The following SOX5 variants were observed in gnomAD, a reference collection of about 807,000 sequenced individuals.
SOX5 encodes the protein SRY-box transcription factor 5.
SOX5 carries 9 observed loss-of-function variants against 92.0 expected under a neutral mutation model. The observed-to-expected ratio is 0.10, with a 90% CI of 0.06 to 0.17. The LOEUF (loss-of-function observed/expected upper bound fraction) is 0.17. Among genes scored for constraint, SOX5 ranks in the 10% least tolerant of loss-of-function variants. The pLI, the probability that SOX5 is intolerant of heterozygous loss-of-function variation, is 1.00. For missense variants in SOX5, 642 were observed against 944.5 expected, an observed-to-expected ratio of 0.68 and a Z score of 4.20; for synonymous variants, 344 against 336.3, an observed-to-expected ratio of 1.02 and a Z score of -0.25.
chr12:23,692,251 A>AT (rs2088961867), intron 6 of SOX5, among the ~76,000 whole-genome samples: 1 of 151,880 alleles, frequency 6.6e-6, no homozygotes, highest in Non-Finnish European at 1.5e-5. Flanking sequence ...CGGCCAACAT[A>AT]GTGAGACTCC....
intron 4 of SOX5, among the ~76,000 whole-genome samples, chr12:23,980,057 T>G (rs1451955938): frequency 6.6e-6 from 1 of 152,114 alleles, no homozygotes; most frequent in African/African-American, 2.4e-5. Flanking sequence ...GTGAACCTCC[T>G]GCCTCAGCTG....
At chr12:23,686,696 AG>A (rs1395171543) in intron 6 of SOX5, among the ~76,000 whole-genome samples, 12 of 152,274 alleles carry the variant, frequency 7.9e-5, no homozygotes, top group African/African-American at 2.6e-4. Flanking sequence ...GTTTATGAAC[AG>A]GGCCATAGCA....
At chr12:23,907,884 C>T (rs776784769) in intron 1 of SOX5, among the ~76,000 whole-genome samples, 2 of 152,076 alleles carry the variant, frequency 1.3e-5, no homozygotes, top group South Asian at 2.1e-4. Flanking sequence ...GTACTGCAAT[C>T]GCAGAACTGC....
intron 1 of SOX5, among the ~76,000 whole-genome samples, chr12:23,917,196 A>T (rs11047163): frequency 0.13 from 19,178 of 152,190 alleles, 1,416 homozygotes; most frequent in African/African-American, 0.2. Context: ...AAGATTTTTT[A>T]AAATAATTAA....
rs543495190 is a variant in SOX5, at chr12:24,406,781, C to A, written c.-250-38142G>T. Among the ~76,000 whole-genome samples, 13 of 152,190 alleles carry A rather than the reference C, an allele frequency of 8.5e-5. No individual in the cohort carries two copies. In the South Asian group the frequency reaches 2.7e-3, roughly 32 times the overall value. On this transcript the variant is annotated intron_variant, in intron 1 of 4. Coordinates refer to the SOX5 transcript ENST00000446891. ...GTGAAGTATGGAGTCTGCCTGAGAC[C>A]TAAATTTCACCCGAAGCAAGGGAAT... is the stretch of plus-strand genomic sequence containing the variant.
chr12:24,333,835 C>A (rs1951594432), intron 2 of SOX5, among the ~76,000 whole-genome samples: 2 of 127,822 alleles, frequency 1.6e-5, no homozygotes, highest in African/African-American at 2.9e-5. Context: ...TATAATGTGT[C>A]TAAAGTTCAC....
In SOX5 at chr12:24,495,042, C is replaced by G. The variant is rs373421318; in HGVS notation, c.-251+67287G>C. Among the ~76,000 whole-genome samples, 5 of 152,316 alleles carry G rather than the reference C, an allele frequency of 3.3e-5. No individual in the cohort carries two copies. The East Asian group carries it at 5.8e-4, about 18-fold the overall frequency. On this transcript the variant is annotated intron_variant, in intron 1 of 4. Transcript: ENST00000446891. ...ATTGCTAATCTATCAACTATAACTACTTTTGTTATAAATTTGTTCACAGAA... is the reference window on the plus strand; with the variant it reads ...ATTGCTAATCTATCAACTATAACTAGTTTTGTTATAAATTTGTTCACAGAA...
intron 2 of SOX5, among the ~76,000 whole-genome samples, chr12:24,351,889 T>C (rs1361506662): frequency 2.6e-5 from 4 of 152,250 alleles, no homozygotes; most frequent in African/African-American, 9.6e-5. Context: ...CCTGTTACCA[T>C]GGTTATTTTC....
chr12:23,710,829 A>G (rs1156783834), intron 6 of SOX5, among the ~76,000 whole-genome samples: 2 of 152,158 alleles, frequency 1.3e-5, no homozygotes, highest in African/African-American at 4.8e-5. Context: ...GTCTTCCACA[A>G]TGGTTGAACT....
At chr12:23,788,903 C>G (rs1281600398) in intron 3 of SOX5, among the ~76,000 whole-genome samples, 1 of 151,882 alleles carries the variant, frequency 6.6e-6, no homozygotes, top group African/African-American at 2.4e-5. Flanking sequence ...TATACTGTTT[C>G]TGTGTTTATT....
chr12:24,351,431 C>T (rs193218100), intron 2 of SOX5, among the ~76,000 whole-genome samples: 7 of 152,198 alleles, frequency 4.6e-5, no homozygotes, highest in African/African-American at 1.4e-4. Flanking sequence ...TCCAGTGACT[C>T]CTAGAAAAAG....
At chr12:24,451,485 G>A (rs985004549) in intron 1 of SOX5, among the ~76,000 whole-genome samples, 2 of 152,094 alleles carry the variant, frequency 1.3e-5, no homozygotes, top group African/African-American at 2.4e-5. Context: ...TTGGGTAGAC[G>A]TAATTTTAAC....
intron 2 of SOX5, among the ~76,000 whole-genome samples, chr12:24,292,168 A>T (rs1946687558): frequency 6.6e-6 from 1 of 152,214 alleles, no homozygotes; most frequent in South Asian, 2.1e-4. Flanking sequence ...CCTGAACCAG[A>T]AATGATCAAT....
At chr12:24,298,029 C>A (rs1165175432) in intron 2 of SOX5, among the ~76,000 whole-genome samples, 2 of 152,064 alleles carry the variant, frequency 1.3e-5, no homozygotes, top group African/African-American at 2.4e-5. Context: ...GACAATTTCT[C>A]CTTCAAAAAT....
chr12:23,808,422 T>C (rs1314082931), intron 3 of SOX5, among the ~76,000 whole-genome samples: 1 of 152,202 alleles, frequency 6.6e-6, no homozygotes, highest in Admixed American at 6.5e-5. Flanking sequence ...TAATTGACTT[T>C]TATTAGCATC....
intron 1 of SOX5, among the ~76,000 whole-genome samples, chr12:24,452,709 G>A (rs1942486347): frequency 6.6e-6 from 1 of 152,118 alleles, no homozygotes; most frequent in Non-Finnish European, 1.5e-5. Flanking sequence ...GGAGAGAAGA[G>A]AAAGGAAAAG....
chr12:23,570,867 C>T (rs1455262323), intron 10 of SOX5, among the ~76,000 whole-genome samples: 23 of 134,196 alleles, frequency 1.7e-4, no homozygotes, highest in Admixed American at 1.3e-3. Flanking sequence ...GCCAAGATTG[C>T]GCCACTGCAC....
intron 11 of SOX5, among the ~76,000 whole-genome samples, chr12:23,553,604 T>A (rs547717855): frequency 6.6e-6 from 1 of 152,186 alleles, no homozygotes; most frequent in Non-Finnish European, 1.5e-5. Context: ...CTTCAGCCAA[T>A]ATCTAAAGAA....
chr12:24,113,255 TAAAA>T (rs10717747), intron 4 of SOX5, among the ~76,000 whole-genome samples: 1 of 118,186 alleles, frequency 8.5e-6, no homozygotes. Flanking sequence ...TGTAGAATCA[TAAAA>T]AAAAAAAAAA....
Sources: allele counts gnomAD v4.1 joint callset (sites outside exome capture counted in the v4.1 genomes callset), GRCh38; gene constraint gnomAD v4.1.1; transcripts MANE v1.5; gene names NCBI Gene and HGNC (gene_info 2026-07-23, HGNC 2026-07-21).